The following PANK2 variants were observed in gnomAD, a reference collection of about 807,000 sequenced individuals.
The protein encoded by PANK2 is pantothenate kinase 2.
In PANK2, 36 loss-of-function variants were observed where a neutral mutation model predicts 43.1. The observed-to-expected ratio is 0.84, with a 90% CI of 0.64 to 1.10. The LOEUF (loss-of-function observed/expected upper bound fraction) is 1.10. PANK2 is among the 50% of genes least tolerant of loss of function. The probability of loss-of-function intolerance (pLI) is 0.00; values close to 1 mark genes in which losing one functional copy is unlikely to be tolerated. For missense variants in PANK2, 576 were observed against 593.3 expected, an observed-to-expected ratio of 0.97 and a Z score of 0.30; for synonymous variants, 281 against 238.2, an observed-to-expected ratio of 1.18 and a Z score of -1.66.
In PANK2 at chr20:3,927,865, G is replaced by A. The variant is rs1197866814; in HGVS notation, c.*4571G>A. ...TGCTGACACTGGTGGGGCCCTTACA[G>A]TCACAGAAGTAAGGACTGGATGGTA... On this transcript the variant is annotated 3_prime_UTR_variant, in exon 7 of 7. Coordinates refer to ENST00000610179, the MANE Select transcript of PANK2 (RefSeq NM_001386393.1). 2 of 152,264 alleles carry A rather than the reference G, an allele frequency of 1.3e-5. No individual in the cohort carries two copies. The highest frequency in any genetic ancestry group is 2.4e-5 in the African/African-American group (1 of 41,460). The allele number at this position is 152,264 out of a possible 1,614,324, so 9.4% of individuals were successfully genotyped here.
At position 3,917,706 on chromosome 20, in the gene PANK2, A is replaced by G. The variant is rs2090584783; in HGVS notation, c.1206+656A>G. On this transcript the variant is annotated intron_variant, in intron 5 of 6. Transcript: ENST00000610179. Reference sequence around the variant, plus strand: ...AGTTATTCTTTAGATAATAATAGGCATGTAGCTTAAAAGGAAACCTCAAAA... The same window carrying G: ...AGTTATTCTTTAGATAATAATAGGCGTGTAGCTTAAAAGGAAACCTCAAAA... 2.0e-5 allele frequency: 4 copies of G among 198,552 alleles called. No homozygotes were observed. The South Asian group carries it at 3.2e-4, about 16-fold the overall frequency. The allele number at this position is 198,552 out of a possible 1,614,324, so 12.3% of individuals were successfully genotyped here.
At chr20:3,920,382 G>C (rs534084915) in intron 6 of PANK2, among the ~76,000 whole-genome samples, 105 of 152,244 alleles carry the variant, frequency 6.9e-4, no homozygotes, top group Non-Finnish European at 3.1e-4. Flanking sequence ...TGGGCGCAAT[G>C]GCGGGCGCCT....
intron 1 of PANK2, among the ~76,000 whole-genome samples, chr20:3,903,167 C>T (rs988202636): frequency 6.0e-5 from 9 of 149,644 alleles, no homozygotes; most frequent in South Asian, 4.2e-4. Context: ...CTTTTTGAGA[C>T]GGAGTCTCCC....
chr20:3,889,368 C>T (rs751992219), upstream of PANK2: 19 of 1,575,518 alleles, frequency 1.2e-5, no homozygotes, highest in Non-Finnish European at 1.4e-5. Context: ...AAGAGGCGGC[C>T]GGCCGAGGGC....
Position 3,910,163 on chromosome 20 carries a change from C to CG in PANK2, c.652-414_652-413insG, listed in dbSNP as rs776740638. 7.2e-5 allele frequency among the ~76,000 whole-genome samples: 11 copies of CG among 152,286 alleles called. No homozygotes were observed. In the East Asian group the frequency reaches 2.1e-3, roughly 29 times the overall value. On this transcript the variant is annotated intron_variant, in intron 2 of 6. Coordinates refer to ENST00000610179, the MANE Select transcript of PANK2 (RefSeq NM_001386393.1). ...CCAAAGCCTTGAGATGGTCCTCTGT[C>CG]ACAGTCCTTGTGGCTCCCACCCTGT...
At chr20:3,918,119 G>A (rs1053746298) in intron 5 of PANK2, among the ~76,000 whole-genome samples, 7 of 152,230 alleles carry the variant, frequency 4.6e-5, no homozygotes, top group South Asian at 2.1e-4. Context: ...GACATTTATC[G>A]TCATGATGCT....
At position 3,925,420 on chromosome 20, in the gene PANK2, G is replaced by T. The variant is rs2090705943; in HGVS notation, c.*2126G>T. The T allele has an allele frequency of 6.6e-6, 1 of 152,370 alleles. No individual in the cohort carries two copies. Among genetic ancestry groups the T allele is most frequent in the Admixed American group, 6.5e-5 (1 of 15,282 alleles). The allele number at this position is 152,370 out of a possible 1,614,324, so 9.4% of individuals were successfully genotyped here. ...GGCTAATTTTTATATTTTTAGTAGA[G>T]ATGGGGTTTCACCATGATGGCCAGG... On this transcript the variant is annotated 3_prime_UTR_variant, in exon 7 of 7. Transcript: ENST00000610179.
intron 3 of PANK2, among the ~76,000 whole-genome samples, chr20:3,912,003 AAAC>A (rs1315613899): frequency 3.9e-5 from 6 of 152,356 alleles, no homozygotes; most frequent in Admixed American, 2.6e-4. Context: ...TTTTTTAAAA[AAAC>A]AGTTGTGATT....
At position 3,895,222 on chromosome 20, in the gene PANK2, C is replaced by T. The variant is rs1011053592; in HGVS notation, c.298+5494C>T. ...CCAGGAGGTGGAAGTTGCAGTGAGCCGAGATTGCGCCACTGCACTCCAGCC... is the reference window on the plus strand; with the variant it reads ...CCAGGAGGTGGAAGTTGCAGTGAGCTGAGATTGCGCCACTGCACTCCAGCC... On this transcript the variant is annotated intron_variant, in intron 1 of 6. Coordinates refer to ENST00000610179, the MANE Select transcript of PANK2 (RefSeq NM_001386393.1). Among the ~76,000 whole-genome samples the T allele has an allele frequency of 5.9e-5, 9 of 151,914 alleles. No individual in the cohort carries two copies. In the East Asian group the frequency reaches 9.7e-4, roughly 16 times the overall value.
At chr20:3,901,169 G>A (rs2090294848) in intron 1 of PANK2, among the ~76,000 whole-genome samples, 1 of 151,528 alleles carries the variant, frequency 6.6e-6, no homozygotes, top group African/African-American at 2.4e-5. Flanking sequence ...CGATCTTCCT[G>A]CCTCAGCCCC....
Position 3,910,567 on chromosome 20 carries a change from T to C in PANK2, c.652-10T>C, listed in dbSNP as rs2090453020. On this transcript the variant is annotated splice_polypyrimidine_tract_variant and intron_variant, in intron 2 of 6. Transcript: ENST00000610179. ...TTAAAAAGTCTGAGTACATTCTTAT[T>C]TCATTACAGATAGGTGATCTTCAGC... 6.2e-7 allele frequency: 1 copy of C among 1,613,958 alleles called. No individual in the cohort carries two copies. The highest frequency in any genetic ancestry group is 1.3e-5 in the African/African-American group (1 of 74,942).
rs2090702941 is a variant in PANK2 at position 3,925,230 on chromosome 20, CCT to C, written c.*1937_*1938del. On this transcript the variant is annotated 3_prime_UTR_variant, in exon 7 of 7. Coordinates refer to ENST00000610179, the MANE Select transcript of PANK2 (RefSeq NM_001386393.1). Reference sequence around the variant, plus strand: ...ATGTTCCACCTTGTGCTCAGTAAACCCTGTCACTCCACAGCAGGGTTTTTGAG... The same window carrying C: ...ATGTTCCACCTTGTGCTCAGTAAACCGTCACTCCACAGCAGGGTTTTTGAG... 6.6e-6 allele frequency: 1 copy of C among 152,352 alleles called. No homozygotes were observed. Among genetic ancestry groups the C allele is most frequent in the Admixed American group, 6.5e-5 (1 of 15,282 alleles). 9.4% of individuals were successfully genotyped at this position (152,352 alleles called of 1,614,324 possible). A position where few individuals can be genotyped will look rare whatever the true frequency, so the allele number is the denominator to read the frequency against.
At position 3,900,030 on chromosome 20, in the gene PANK2, A is replaced by G. The variant is rs1048567423; in HGVS notation, c.299-7896A>G. The stretch of plus-strand genomic sequence containing the variant: ...ATCAGTTGTACTTTTTATGCACATG[A>G]GAGAGTTTTTTTTTTGTCCCTTCTT... On this transcript the variant is annotated intron_variant, in intron 1 of 6. Coordinates refer to ENST00000610179, the MANE Select transcript of PANK2 (RefSeq NM_001386393.1). Among the ~76,000 whole-genome samples the G allele has an allele frequency of 4.6e-5, 7 of 151,672 alleles. No individual in the cohort carries two copies. The South Asian group carries it at 8.3e-4, about 18-fold the overall frequency.
intron 1 of PANK2, among the ~76,000 whole-genome samples, chr20:3,891,566 C>A (rs113592207): frequency 6.6e-6 from 1 of 152,168 alleles, no homozygotes. Flanking sequence ...TATTTACGTT[C>A]TGTTAGTTAT....
In PANK2 at chr20:3,929,562, C is replaced by T. The variant is rs955103040; in HGVS notation, c.*6268C>T. The stretch of plus-strand genomic sequence containing the variant: ...TGCTCAAACTCCTGCATCAAAGACA[C>T]AAGAGCTTGCCTAAGTGACCACAAC... On this transcript the variant is annotated 3_prime_UTR_variant, in exon 7 of 7. Transcript: ENST00000610179. 1 of 152,344 alleles carries T rather than the reference C, an allele frequency of 6.6e-6. No individual in the cohort carries two copies. The allele number at this position is 152,344 out of a possible 1,614,324, so 9.4% of individuals were successfully genotyped here.
rs2090374161 is a variant in PANK2, at chr20:3,905,655, CTT to C, written c.299-2270_299-2269del. ...AGCCACCACACCCGGCCTGCTATCT[CTT>C]CTTGTTTCCCAGAATTATTTTAGAA... is the stretch of plus-strand genomic sequence containing the variant. On this transcript the variant is annotated intron_variant, in intron 1 of 6. Coordinates refer to ENST00000610179, the MANE Select transcript of PANK2 (RefSeq NM_001386393.1). Among the ~76,000 whole-genome samples the C allele has an allele frequency of 2.0e-5, 3 of 151,556 alleles. No homozygotes were observed. The South Asian group carries it at 6.3e-4, about 32-fold the overall frequency.
At chr20:3,894,221 G>A (rs2090168603) in intron 1 of PANK2, among the ~76,000 whole-genome samples, 1 of 150,722 alleles carries the variant, frequency 6.6e-6, no homozygotes, top group South Asian at 2.1e-4. Flanking sequence ...GTGAGCCACC[G>A]TGCCTGACCG....
At chr20:3,903,950 T>A (rs1286674499) in intron 1 of PANK2, among the ~76,000 whole-genome samples, 1 of 151,990 alleles carries the variant, frequency 6.6e-6, no homozygotes. Flanking sequence ...TTTTAGTACA[T>A]ATGTTTAGTA....
At chr20:3,923,093 C>T (rs2090672102) in intron 6 of PANK2, 151 bp from the exon 7 acceptor site, 14 of 863,100 alleles carry the variant, frequency 1.6e-5, no homozygotes, top group Non-Finnish European at 2.6e-5. Flanking sequence ...GGCGTCTCTG[C>T]TCCCAGGCTG....
Sources: allele counts gnomAD v4.1 joint callset (sites outside exome capture counted in the v4.1 genomes callset), GRCh38; gene constraint gnomAD v4.1.1; transcripts MANE v1.5; gene names NCBI Gene and HGNC (gene_info 2026-07-23, HGNC 2026-07-21).